Variants in ERC1 observed in about 807,000 individuals in gnomAD.
ERC1 encodes RAB6 interacting protein 2.
A neutral mutation model predicts 132.0 loss-of-function variants in ERC1; 56 were observed. That is an observed-to-expected ratio of 0.42 (90% CI 0.34 to 0.53). The LOEUF (loss-of-function observed/expected upper bound fraction) is 0.53, where lower values mean the gene tolerates loss of function less well. Among genes scored for constraint, ERC1 ranks in the 20% least tolerant of loss-of-function variants. The pLI is 0.03. For missense variants in ERC1, 1,202 were observed against 1,349.9 expected (o/e 0.89, Z 1.72); for synonymous variants, 478 against 476.1 (o/e 1.00, Z -0.05).
chr12:1,309,629 G>A (rs949457528), intron 15 of ERC1, among the ~76,000 whole-genome samples: 12 of 150,582 alleles, frequency 8.0e-5, no homozygotes, highest in African/African-American at 1.5e-4. Flanking sequence ...TTGTCTCTTC[G>A]TTATCTCTCA....
At position 1,143,814 on chromosome 12, in the gene ERC1, C is replaced by T. The variant is rs1035116291; in HGVS notation, c.1737+2027C>T. Among the ~76,000 whole-genome samples the T allele has an allele frequency of 1.4e-4, 22 of 151,904 alleles. No individual in the cohort carries two copies. In the South Asian group the frequency reaches 1.5e-3, roughly 10 times the overall value. On this transcript the variant is annotated intron_variant, in intron 8 of 18. Transcript: ENST00000360905. ...TAATAGATTTTATACATTTATTAAGCTTCTTCCTAGGTTTTCTTTTTGTTA... is the reference window on the plus strand; with the variant it reads ...TAATAGATTTTATACATTTATTAAGTTTCTTCCTAGGTTTTCTTTTTGTTA...
chr12:1,408,639 C>T (rs1427370462), intron 17 of ERC1, among the ~76,000 whole-genome samples: 1 of 152,196 alleles, frequency 6.6e-6, no homozygotes, highest in African/African-American at 2.4e-5. Context: ...TAGTGAGGCA[C>T]AGTTTGGAGG....
At chr12:1,076,397 CTTTTTTTTT>C (rs71293129) in intron 2 of ERC1, among the ~76,000 whole-genome samples, 1 of 131,028 alleles carries the variant, frequency 7.6e-6, no homozygotes, top group African/African-American at 2.8e-5. Flanking sequence ...TTTTCTTTTT[CTTTTTTTTT>C]TTTTTGGAGA....
chr12:1,068,162 CTT>C (rs930221485), intron 2 of ERC1, among the ~76,000 whole-genome samples: 4 of 152,012 alleles, frequency 2.6e-5, no homozygotes, highest in African/African-American at 9.7e-5. Context: ...GAACTCCTGA[CTT>C]TGTGATCTGC....
chr12:1,423,476 T>G (rs1177714561), intron 17 of ERC1, among the ~76,000 whole-genome samples: 1 of 152,156 alleles, frequency 6.6e-6, no homozygotes, highest in Non-Finnish European at 1.5e-5. Flanking sequence ...TTTTTGAGAC[T>G]GTTGTTTTAT....
In ERC1 at chr12:1,400,916, A is replaced by ATTTTTTTTTTTTTTTTTT; in HGVS notation, c.2926-7213_2926-7196dup. ...TCAATATTGTTTTGGCTATTTTTGTATTTTTTTTTTTTTTTTTTTTTTTTT... is the reference window on the plus strand; with the variant it reads ...TCAATATTGTTTTGGCTATTTTTGTATTTTTTTTTTTTTTTTTTTTTTTTTTTTTTTTTTTTTTTTTTT... On this transcript the variant is annotated intron_variant, in intron 16 of 18. Transcript: ENST00000360905. Among the ~76,000 whole-genome samples the ATTTTTTTTTTTTTTTTTT allele has an allele frequency of 1.3e-4, 2 of 15,058 alleles. 1 individual carries two copies. Among genetic ancestry groups the ATTTTTTTTTTTTTTTTTT allele is most frequent in the Non-Finnish European group, 2.2e-4 (2 of 9,122 alleles). The allele number at this position is 15,058 out of a possible 152,430, so 9.9% of individuals were successfully genotyped here. A position where few individuals can be genotyped will look rare whatever the true frequency, so the allele number is the denominator to read the frequency against.
At chr12:1,155,863 TA>T (rs11433362) in intron 8 of ERC1, among the ~76,000 whole-genome samples, 21 of 148,942 alleles carry the variant, frequency 1.4e-4, no homozygotes, top group East Asian at 1.2e-3. Flanking sequence ...GTGTTCAAGG[TA>T]AAAAAAAAAT....
chr12:1,111,475 TG>T (rs1233966402), intron 5 of ERC1, among the ~76,000 whole-genome samples: 2 of 152,350 alleles, frequency 1.3e-5, no homozygotes, highest in Admixed American at 1.3e-4. Flanking sequence ...CTCCAGTTTC[TG>T]GCTTCTTGCC....
intron 15 of ERC1, among the ~76,000 whole-genome samples, chr12:1,356,150 G>A (rs1405952518): frequency 6.6e-6 from 1 of 150,984 alleles, no homozygotes; most frequent in Non-Finnish European, 1.5e-5. Flanking sequence ...GCTGCAGTGA[G>A]CTGAGATCAC....
chr12:1,444,488 A>G (rs2093247900), intron 17 of ERC1, 74 bp from the exon 18 acceptor site: 1 of 1,045,726 alleles, frequency 9.6e-7, no homozygotes, highest in African/African-American at 1.6e-5. Context: ...CATAAAGAAT[A>G]TTTGAACCTC....
chr12:1,158,607 C>CTT (rs10713768), intron 8 of ERC1, among the ~76,000 whole-genome samples: 11 of 134,432 alleles, frequency 8.2e-5, no homozygotes, highest in East Asian at 2.1e-4. Flanking sequence ...TTTTTCTTTT[C>CTT]TTTTTTTTTT....
intron 18 of ERC1, among the ~76,000 whole-genome samples, chr12:1,462,818 A>G (rs1024389482): frequency 1.3e-5 from 2 of 152,342 alleles, no homozygotes; most frequent in Middle Eastern, 3.4e-3. Context: ...TTATATGGCA[A>G]CGTTTAAAAA....
intron 2 of ERC1, among the ~76,000 whole-genome samples, chr12:1,043,339 G>T (rs139327726): frequency 1.3e-5 from 2 of 152,010 alleles, no homozygotes; most frequent in Non-Finnish European, 2.9e-5. Flanking sequence ...CACTGCGCCC[G>T]GCCTGTACAG....
chr12:1,467,986 G>A (rs2093779562), intron 18 of ERC1, among the ~76,000 whole-genome samples: 1 of 152,226 alleles, frequency 6.6e-6, no homozygotes, highest in South Asian at 2.1e-4. Flanking sequence ...TTTGCTTCCT[G>A]GCTAGCCCTT....
At chr12:1,462,819 C>T (rs569268839) in intron 18 of ERC1, among the ~76,000 whole-genome samples, 13 of 152,120 alleles carry the variant, frequency 8.5e-5, no homozygotes, top group Admixed American at 6.5e-4. Flanking sequence ...TATATGGCAA[C>T]GTTTAAAAAA....
chr12:996,249 CTTTTT>C (rs35403554), intron 1 of ERC1, among the ~76,000 whole-genome samples: 4 of 43,766 alleles, frequency 9.1e-5, no homozygotes, highest in East Asian at 6.6e-4. Context: ...CCATGCCTGG[CTTTTT>C]TTTTTTTTTT....
intron 17 of ERC1, among the ~76,000 whole-genome samples, chr12:1,440,193 C>CT (rs2093064061): frequency 2.1e-5 from 3 of 143,930 alleles, no homozygotes. Context: ...AGTTTTCTTT[C>CT]TTTCTCTTTT....
In ERC1 at chr12:1,448,000, A is replaced by G. The variant is rs188460834; in HGVS notation, c.3213+3250A>G. Among the ~76,000 whole-genome samples the G allele has an allele frequency of 1.4e-4, 22 of 152,280 alleles. No homozygotes were observed. In the East Asian group the frequency reaches 2.5e-3, roughly 17 times the overall value. On this transcript the variant is annotated intron_variant, in intron 18 of 18. Transcript: ENST00000360905. Reference sequence around the variant, plus strand: ...ATTTTTGCTCAGTCCTGTATTTTCAATATGCCTAGATGGACTTAACTCAGT... The same window carrying G: ...ATTTTTGCTCAGTCCTGTATTTTCAGTATGCCTAGATGGACTTAACTCAGT...
chr12:1,393,392 G>C (rs1308348216), intron 16 of ERC1, among the ~76,000 whole-genome samples: 1 of 152,062 alleles, frequency 6.6e-6, no homozygotes, highest in Non-Finnish European at 1.5e-5. Context: ...AAAATTAGCT[G>C]GGCGTGGTGG....
Sources: gnomAD v4.1 joint callset for allele counts (sites outside exome capture counted in the v4.1 genomes callset) on GRCh38, gnomAD v4.1.1 for gene constraint, MANE v1.5 for transcripts, NCBI Gene and HGNC (gene_info 2026-07-23, HGNC 2026-07-21) for gene names.